Variants in NAT1 observed in about 807,000 individuals in gnomAD.
NAT1 encodes N-acetyltransferase 1, also known as arylamine N-acetyltransferase 1.
For synonymous variants in NAT1, 144 were observed against 122.6 expected (o/e 1.17, Z -1.16); for missense variants, 400 against 339.2 (o/e 1.18, Z -1.41).
At chr8:18,186,789 T>C (rs568515017) in intron 2 of NAT1, among the ~76,000 whole-genome samples, 12 of 152,224 alleles carry the variant, frequency 7.9e-5, no homozygotes, top group Middle Eastern at 3.4e-3. Flanking sequence ...TGCTAAAAAT[T>C]GACAAATGGG....
chr8:18,189,012 A>AAAAAAG (rs1802866439), intron 2 of NAT1, among the ~76,000 whole-genome samples: 2 of 141,016 alleles, frequency 1.4e-5, no homozygotes, highest in Non-Finnish European at 3.1e-5. Flanking sequence ...AAAAAAAAAA[A>AAAAAAG]GAAAGAAAGA....
upstream of NAT1, among the ~76,000 whole-genome samples, chr8:18,208,774 G>A (rs1803847950): frequency 6.6e-6 from 1 of 152,186 alleles, no homozygotes; most frequent in Admixed American, 6.5e-5. Flanking sequence ...TTGATTCTAG[G>A]CTGGAGGCCA....
At chr8:18,213,752 C>G (rs946440261) in intron 1 of NAT1, among the ~76,000 whole-genome samples, 1 of 151,946 alleles carries the variant, frequency 6.6e-6, no homozygotes, top group African/African-American at 2.4e-5. Flanking sequence ...GTTGACAGTA[C>G]TGGATTGGAC....
At chr8:18,213,148 G>A (rs956552659) in intron 1 of NAT1, among the ~76,000 whole-genome samples, 1 of 150,940 alleles carries the variant, frequency 6.6e-6, no homozygotes, top group African/African-American at 2.4e-5. Flanking sequence ...CTGACCTCAA[G>A]TGATCCACTC....
intron 2 of NAT1, among the ~76,000 whole-genome samples, chr8:18,204,744 T>C (rs1016291673): frequency 6.6e-5 from 10 of 152,204 alleles, no homozygotes; most frequent in African/African-American, 2.2e-4. Context: ...TTAAAACTAA[T>C]AGCCATAAGA....
Position 18,222,467 on chromosome 8 carries a change from G to A in NAT1, c.420G>A (p.Gly140=). ...GGCAGCCTCTGGAGTTAATTTCTGG[G>A]AAGGATCAGCCTCAGGTGCCTTGTG... is the stretch of plus-strand genomic sequence containing the variant. ...QMWQPLELIS[G]KDQPQVPCVF... The change falls in exon 3 of 3, where the codon GGG becomes GGA. Residue 140 remains glycine, a synonymous_variant. Transcript: ENST00000307719. 2 of 1,614,050 alleles carry A rather than the reference G, an allele frequency of 1.2e-6. No individual in the cohort carries two copies. Among genetic ancestry groups the A allele is most frequent in the South Asian group, 1.1e-5 (1 of 91,074 alleles).
chr8:18,194,102 G>A (rs967613796), intron 2 of NAT1, among the ~76,000 whole-genome samples: 1 of 152,154 alleles, frequency 6.6e-6, no homozygotes, highest in Non-Finnish European at 1.5e-5. Context: ...TATGATTAGG[G>A]CTGAATGGAA....
chr8:18,172,195 A>G (rs1036185093), intron 2 of NAT1, among the ~76,000 whole-genome samples: 1 of 152,148 alleles, frequency 6.6e-6, no homozygotes, highest in Non-Finnish European at 1.5e-5. Context: ...CTTTGTGTTA[A>G]TGGGTCTTAA....
upstream of NAT1, among the ~76,000 whole-genome samples, chr8:18,206,649 C>G (rs575601284): frequency 1.3e-5 from 2 of 152,270 alleles, no homozygotes; most frequent in South Asian, 2.1e-4. Flanking sequence ...CCTTTGCCCA[C>G]TTTTTAATGG....
intron 2 of NAT1, among the ~76,000 whole-genome samples, chr8:18,199,609 T>A (rs781156967): frequency 3.3e-5 from 5 of 152,188 alleles, no homozygotes; most frequent in Non-Finnish European, 7.4e-5. Context: ...CTCTCTTGAA[T>A]TGAGTTCCCT....
intron 1 of NAT1, chr8:18,217,114 T>G (rs1275876686): frequency 2.3e-5 from 16 of 683,120 alleles, no homozygotes; most frequent in Non-Finnish European, 3.9e-5. Flanking sequence ...GTTATATAAC[T>G]GGTTTTCCCT....
At chr8:18,201,949 A>G (rs567173044) in intron 2 of NAT1, among the ~76,000 whole-genome samples, 40 of 152,354 alleles carry the variant, frequency 2.6e-4, no homozygotes, top group Non-Finnish European at 5.6e-4. Context: ...AGTGGAAAAG[A>G]CCACATATCA....
intron 2 of NAT1, among the ~76,000 whole-genome samples, chr8:18,175,301 C>G (rs1802253601): frequency 6.6e-6 from 1 of 151,976 alleles, no homozygotes; most frequent in Admixed American, 6.6e-5. Context: ...CAACCAATCA[C>G]TAAATCTGAT....
chr8:18,219,688 C>A (rs1383693794), intron 2 of NAT1, among the ~76,000 whole-genome samples, 199 bp downstream of exon 2: 2 of 152,204 alleles, frequency 1.3e-5, no homozygotes, highest in Non-Finnish European at 2.9e-5. Flanking sequence ...TTTCAGCATT[C>A]CACCTTGAAG....
intron 2 of NAT1, among the ~76,000 whole-genome samples, chr8:18,172,929 A>G (rs1210894291): frequency 6.6e-6 from 1 of 152,132 alleles, no homozygotes; most frequent in Non-Finnish European, 1.5e-5. Context: ...AGTGCCTCTG[A>G]GCAGTGCCCC....
At chr8:18,202,960 C>T (rs971350138) in intron 2 of NAT1, among the ~76,000 whole-genome samples, 1 of 152,050 alleles carries the variant, frequency 6.6e-6, no homozygotes, top group African/African-American at 2.4e-5. Flanking sequence ...ACTGATTGGT[C>T]GATTTTACAG....
At chr8:18,184,195 C>T (rs542746617) in intron 2 of NAT1, among the ~76,000 whole-genome samples, 2 of 152,300 alleles carry the variant, frequency 1.3e-5, no homozygotes, top group East Asian at 3.9e-4. Context: ...CATGCCTCCT[C>T]AGCTCTGGCA....
rs4987195 is a variant in NAT1, at chr8:18,222,667, C to T, written c.620C>T (p.Thr207Ile). 13 of 1,613,882 alleles carry T rather than the reference C, an allele frequency of 8.1e-6. No individual in the cohort carries two copies. The African/African-American group carries it at 1.2e-4, about 15-fold the overall frequency. The change falls in exon 3 of 3, where the codon ACA (threonine) becomes ATA (isoleucine). Residue 207 changes from threonine to isoleucine, a missense_variant. Thr to Ile is a moderately conservative substitution (Grantham distance 89). Transcript: ENST00000307719. ...RTIEDFESMN[T>I]YLQTSPSSVF... The stretch of plus-strand genomic sequence containing the variant: ...ATTGAAGATTTTGAGTCTATGAATA[C>T]ATACCTGCAGACATCTCCATCATCT...
chr8:18,219,518 G>T (rs1381023893), intron 2 of NAT1, 29 bp downstream of exon 2: 1 of 1,353,972 alleles, frequency 7.4e-7, no homozygotes, highest in African/African-American at 1.5e-5. Context: ...AGAGCTCTCA[G>T]TGGGCTTCCT....
Sources: allele counts gnomAD v4.1 joint callset (sites outside exome capture counted in the v4.1 genomes callset), GRCh38; gene constraint gnomAD v4.1.1; transcripts MANE v1.5; gene names NCBI Gene and HGNC (gene_info 2026-07-23, HGNC 2026-07-21).